FHOD1: variants seen among roughly 807,000 people sequenced by gnomAD.
FHOD1 encodes the protein FH1/FH2 domain-containing protein 1.
In FHOD1, 89 loss-of-function variants were observed where a neutral mutation model predicts 111.6. That is an observed-to-expected ratio of 0.80 (90% CI 0.67 to 0.95). The LOEUF is 0.95. Among genes scored for constraint, FHOD1 ranks in the 40% least tolerant of loss-of-function variants. The pLI, the probability that FHOD1 is intolerant of heterozygous loss-of-function variation, is 0.00. For missense variants in FHOD1, 1,446 were observed against 1,554.2 expected (o/e 0.93, Z 1.17); for synonymous variants, 618 against 639.0 (o/e 0.97, Z 0.50).
chr16:67,230,076 G>A lies in FHOD1; in HGVS notation c.3204C>T (p.Arg1068=). 6.2e-7 allele frequency: 1 copy of A among 1,614,092 alleles called. No homozygotes were observed. The highest frequency in any genetic ancestry group is 8.5e-7 in the Non-Finnish European group (1 of 1,179,978). ...TSRPEDTTHN[R]RSRGMVQSSS... ...TGCTATGGGCCTCACCTCTGCTGCGGCGATTGTGTGTGGTGTCCTCAGGCC... is the reference window on the plus strand; with the variant it reads ...TGCTATGGGCCTCACCTCTGCTGCGACGATTGTGTGTGGTGTCCTCAGGCC... Residue 1068 remains arginine, a synonymous_variant, in exon 20 of 22, where the codon CGC becomes CGT. Coordinates refer to ENST00000258201, the MANE Select transcript of FHOD1 (RefSeq NM_013241.3).
At position 67,238,307 on chromosome 16, in the gene FHOD1, C is replaced by G. The variant is rs1254800316; in HGVS notation, c.442G>C (p.Glu148Gln). 6.2e-7 allele frequency: 1 copy of G among 1,614,116 alleles called. No individual in the cohort carries two copies. Among genetic ancestry groups the G allele is most frequent in the Non-Finnish European group, 8.5e-7 (1 of 1,180,014 alleles). The change falls in exon 5 of 22, where the codon GAG (glutamate) becomes CAG (glutamine). Residue 148 changes from glutamate to glutamine, a missense_variant and splice_region_variant. This residue lies in a region of FHOD1 where 234 missense variants were observed against 327.4 expected (regional missense o/e 0.71). Coordinates refer to ENST00000258201, the MANE Select transcript of FHOD1 (RefSeq NM_013241.3). The surrounding 1 kb of genome is among the most constrained non-coding windows in gnomAD (Gnocchi z 4.2). The part of the protein sequence containing the change: ...SLFSLKQIFQ[E>Q]DKDLVPEFVH... ...AATTCAGGCACCAGGTCTTTGTCCT[C>G]CTAGAGGCACCATGGGGGAGTTTAG...
chr16:67,241,138 C>G (rs1393528973), intron 1 of FHOD1, among the ~76,000 whole-genome samples: 1 of 145,474 alleles, frequency 6.9e-6, no homozygotes, highest in African/African-American at 2.5e-5. Context: ...CCACCCCCGC[C>G]TGGGACCTGG....
Position 67,230,613 on chromosome 16 carries a change from C to T in FHOD1, c.2846G>A (p.Arg949His), listed in dbSNP as rs769125781. 1.1e-5 allele frequency: 17 copies of T among 1,614,086 alleles called. No individual in the cohort carries two copies. The highest frequency in any genetic ancestry group is 1.4e-5 in the Non-Finnish European group (16 of 1,179,952). The change falls in exon 18 of 22, where the codon CGT (arginine) becomes CAT (histidine). Residue 949 changes from arginine (R) to histidine (H), a missense_variant. Physicochemically the swap from Arg to His is conservative, Grantham distance 29. Transcript: ENST00000258201. ...TCCATGCCCCTACCTATTGCAGACA[C>T]GGCGGTGCACTATCCTTAGCATGGC... ...RVAMLRIVHR[R>H]VCNRFHAFLL...
In FHOD1 at chr16:67,233,913, G is replaced by T; in HGVS notation, c.1790C>A (p.Pro597His). 6.3e-7 allele frequency: 1 copy of T among 1,586,390 alleles called. No homozygotes were observed. Among genetic ancestry groups the T allele is most frequent in the South Asian group, 1.1e-5 (1 of 87,776 alleles). The part of the protein sequence containing the change: ...PLPPPPPIKG[P>H]FPPPPPLPLA... ...AGGTAGAGGTGGAGGTGGTGGGAAGGGGCCTTTGATGGGTGGGGGAGGTGG... is the reference window on the plus strand; with the variant it reads ...AGGTAGAGGTGGAGGTGGTGGGAAGTGGCCTTTGATGGGTGGGGGAGGTGG... The change falls in exon 13 of 22, where the codon CCC (proline) becomes CAC (histidine). Residue 597 changes from proline (P) to histidine (H), a missense_variant. By Grantham distance (77) the Pro-to-His change is moderately conservative. Transcript: ENST00000258201.
In FHOD1 at chr16:67,230,356, T is replaced by G. The variant is rs761241527; in HGVS notation, c.3009A>C (p.Thr1003=). The G allele has an allele frequency of 1.2e-6, 2 of 1,614,126 alleles. No homozygotes were observed. The highest frequency in any genetic ancestry group is 1.7e-6 in the Non-Finnish European group (2 of 1,180,052). The change falls in exon 19 of 22, where the codon ACA becomes ACC. Residue 1003 remains threonine (T), a synonymous_variant. Transcript: ENST00000258201. ...RVLQQQQKQA[T]YRERNKTRGR... ...CCCGGGTCTTGTTGCGCTCACGGTA[T>G]GTGGCCTGCTTCTGCTGCTGCTGTA...
chr16:67,240,831 C>T (rs978877860), intron 1 of FHOD1, among the ~76,000 whole-genome samples: 1 of 152,222 alleles, frequency 6.6e-6, no homozygotes, highest in African/African-American at 2.4e-5. Flanking sequence ...TGGCTCTGGC[C>T]CTTGAGATGC....
intron 1 of FHOD1, among the ~76,000 whole-genome samples, chr16:67,240,042 G>A (rs992930109): frequency 1.3e-5 from 2 of 152,192 alleles, no homozygotes; most frequent in Admixed American, 6.5e-5. Context: ...AAGATGGCTG[G>A]GAGGTGCAAA....
At chr16:67,235,565 A>C (rs978581531) in intron 11 of FHOD1, among the ~76,000 whole-genome samples, 5 of 151,286 alleles carry the variant, frequency 3.3e-5, no homozygotes, top group Non-Finnish European at 7.4e-5. Flanking sequence ...CGGATGTGGT[A>C]AACAGTGGAC....
intron 1 of FHOD1, among the ~76,000 whole-genome samples, chr16:67,241,445 T>C (rs1354105490): frequency 1.3e-5 from 2 of 152,144 alleles, no homozygotes; most frequent in Non-Finnish European, 2.9e-5. Flanking sequence ...CTCCCTCCCT[T>C]GGCCTGGAAG....
intron 13 of FHOD1, 89 bp downstream of exon 13, chr16:67,233,565 GGAA>G (rs1567386219): frequency 6.9e-7 from 1 of 1,459,840 alleles, no homozygotes; most frequent in Non-Finnish European, 9.1e-7. Context: ...TCCCCATGTG[GGAA>G]GTGAGTGACT....
At chr16:67,245,865 G>A (rs894240964) in intron 1 of FHOD1, among the ~76,000 whole-genome samples, 3 of 152,134 alleles carry the variant, frequency 2.0e-5, no homozygotes, top group Admixed American at 6.5e-5. Flanking sequence ...GACTTTAGGA[G>A]CCTGGAAGCG....
Position 67,231,077 on chromosome 16 carries a change from G to A in FHOD1, c.2667+111C>T. The stretch of plus-strand genomic sequence containing the variant: ...GGCATAGCTCACACCCAGGTGGCTG[G>A]AGCAAGCCCTGGCACAGCAGCCCAA... On this transcript the variant is annotated intron_variant, in intron 17 of 21. Coordinates refer to ENST00000258201, the MANE Select transcript of FHOD1 (RefSeq NM_013241.3). This position sits in a 1 kb window ranked among gnomAD's most constrained non-coding sequence, Gnocchi z 4.3. The A allele has an allele frequency of 1.4e-6, 2 of 1,411,204 alleles. No individual in the cohort carries two copies. Among genetic ancestry groups the A allele is most frequent in the South Asian group, 2.7e-5 (2 of 74,722 alleles). The allele number at this position is 1,411,204 out of a possible 1,614,324, so 87.4% of individuals were successfully genotyped here.
At chr16:67,245,614 G>A (rs1489516293) in intron 1 of FHOD1, among the ~76,000 whole-genome samples, 1 of 152,030 alleles carries the variant, frequency 6.6e-6, no homozygotes, top group Non-Finnish European at 1.5e-5. Context: ...GTATGGTGGC[G>A]CACACCTGTA....
chr16:67,230,766 TTC>T lies in FHOD1; in HGVS notation c.2691_2692del (p.Asn898ProfsTer22). ...GCTCCGGCGCTCCAGCTGCCCCAGG[TTC>T]TCAGTCAGCTGTTCAAAGTCCACCT... On this transcript the variant is annotated frameshift_variant, in exon 18 of 22. Transcript: ENST00000258201. LOFTEE classifies it high-confidence loss of function. 1 of 1,604,210 alleles carries T rather than the reference TTC, an allele frequency of 6.2e-7. No individual in the cohort carries two copies. The highest frequency in any genetic ancestry group is 2.2e-5 in the East Asian group (1 of 44,748).
rs570015015 is a variant in FHOD1 at position 67,229,922 on chromosome 16, G to A, written c.3283C>T (p.Pro1095Ser). ...GTATCACTGGGTAAACTGGAGCCTGGGGGTTCTTCTGGGGATGCAGTGGAG... is the reference window on the plus strand; with the variant it reads ...GTATCACTGGGTAAACTGGAGCCTGAGGGTTCTTCTGGGGATGCAGTGGAG... Reference protein sequence around the residue: ...GPSTASPEEPPGSSLPSDTSD... With the variant: ...GPSTASPEEPSGSSLPSDTSD... Residue 1095 changes from proline to serine, a missense_variant, in exon 21 of 22, where the codon CCA (proline) becomes TCA (serine). Pro to Ser is a moderately conservative substitution (Grantham distance 74). Transcript: ENST00000258201. The A allele has an allele frequency of 2.7e-5, 43 of 1,614,238 alleles. No individual in the cohort carries two copies. The African/African-American group carries it at 3.3e-4, about 13-fold the overall frequency.
At position 67,237,899 on chromosome 16, in the gene FHOD1, C is replaced by T; in HGVS notation, c.643-131G>A. The T allele has an allele frequency of 2.3e-6, 3 of 1,302,342 alleles. No homozygotes were observed. The highest frequency in any genetic ancestry group is 3.3e-6 in the Non-Finnish European group (3 of 911,976). The allele number at this position is 1,302,342 out of a possible 1,614,324, so 80.7% of individuals were successfully genotyped here. ...GGCAGAATGACCCTGGCCCCAGGCC[C>T]AGGCACTGAAGTGCCTTATAGGCTT... On this transcript the variant is annotated intron_variant, in intron 6 of 21. Coordinates refer to ENST00000258201, the MANE Select transcript of FHOD1 (RefSeq NM_013241.3). The surrounding 1 kb of genome is among the most constrained non-coding windows in gnomAD (Gnocchi z 5.6).
rs762727955 is a variant in FHOD1 at position 67,237,628 on chromosome 16, G to A, written c.754+29C>T. 1.3e-5 allele frequency: 21 copies of A among 1,612,768 alleles called. No homozygotes were observed. In the South Asian group the frequency reaches 1.3e-4, roughly 10 times the overall value. The stretch of plus-strand genomic sequence containing the variant: ...ACAGGTAGGAGAGAGGGCTCTGAGC[G>A]GTGGGGGGAGAAAGGGACAGTCTCT... On this transcript the variant is annotated intron_variant, in intron 7 of 21. Coordinates refer to ENST00000258201, the MANE Select transcript of FHOD1 (RefSeq NM_013241.3). The surrounding 1 kb of genome is among the most constrained non-coding windows in gnomAD (Gnocchi z 5.6).
At chr16:67,246,868 T>C (rs2034861690) in intron 1 of FHOD1, 2 of 275,244 alleles carry the variant, frequency 7.3e-6, no homozygotes, top group Non-Finnish European at 1.4e-5. Context: ...CAGCTCCGCC[T>C]CCAGGGTCCG....
In FHOD1 at chr16:67,234,049, C is replaced by T; in HGVS notation, c.1654G>A (p.Asp552Asn). 2 of 1,613,750 alleles carry T rather than the reference C, an allele frequency of 1.2e-6. No homozygotes were observed. Among genetic ancestry groups the T allele is most frequent in the Non-Finnish European group, 1.7e-6 (2 of 1,179,894 alleles). The change falls in exon 13 of 22, where the codon GAT becomes AAT. Residue 552 changes from aspartate to asparagine, a missense_variant. By Grantham distance (23) the Asp-to-Asn change is conservative (BLOSUM62 1). This residue lies in a region of FHOD1 where 1,085 missense variants were observed against 1,108.8 expected (regional missense o/e 0.98). Transcript: ENST00000258201. ...ACATTCAGCATGTCCTGGTCTTCAT[C>T]CTCCCCTAGATCTGAAAAGTCCAGG... ...GDLDFSDLGE[D>N]EDQDMLNVES...
Sources: allele counts gnomAD v4.1 joint callset (sites outside exome capture counted in the v4.1 genomes callset), GRCh38; gene constraint gnomAD v4.1.1; regional missense constraint gnomAD v4.1.1; non-coding constraint Gnocchi (gnomAD v3.1); transcripts MANE v1.5; gene names NCBI Gene and HGNC (gene_info 2026-07-23, HGNC 2026-07-21).